Variants in ACAT2 observed in about 807,000 individuals in gnomAD.
ACAT2 encodes acetyl-CoA acetyltransferase 2, also known as acetyl-CoA acetyltransferase, cytosolic.
ACAT2 carries 26 observed loss-of-function variants against 37.1 expected under a neutral mutation model. The ratio of observed to expected loss-of-function variants is 0.70; its 90% CI spans 0.51 to 0.97. The LOEUF (loss-of-function observed/expected upper bound fraction) is 0.97, where lower values mean the gene tolerates loss of function less well. ACAT2 is among the 50% of genes least tolerant of loss of function. The pLI is 0.00. For synonymous variants in ACAT2, 156 were observed against 163.6 expected (o/e 0.95, Z 0.35); for missense variants, 468 against 489.0 (o/e 0.96, Z 0.40).
At position 159,763,058 on chromosome 6, in the gene ACAT2, G is replaced by A. The variant is rs778987062; in HGVS notation, c.190+5G>A. On this transcript the variant is annotated splice_donor_5th_base_variant and intron_variant, in intron 2 of 8. Coordinates refer to ENST00000367048, the MANE Select transcript of ACAT2 (RefSeq NM_005891.3). The stretch of plus-strand genomic sequence containing the variant: ...TTGGACATGTCTTGGCAGCAGGTAA[G>A]TCTCAGTGATTCCAGGAGAAGTCAG... The A allele has an allele frequency of 2.5e-6, 4 of 1,608,388 alleles. No individual in the cohort carries two copies. The highest frequency in any genetic ancestry group is 1.1e-5 in the South Asian group (1 of 90,360).
intron 8 of ACAT2, 95 bp from the exon 9 acceptor site, chr6:159,778,564 A>C: frequency 1.6e-4 from 199 of 1,255,468 alleles, no homozygotes; most frequent in Non-Finnish European, 2.0e-4. Flanking sequence ...TTGAAAGGGT[A>C]GCATGCTGAT....
intron 3 of ACAT2, among the ~76,000 whole-genome samples, chr6:159,767,783 G>C (rs577795870): frequency 6.6e-6 from 1 of 152,336 alleles, no homozygotes; most frequent in South Asian, 2.1e-4. Context: ...AGCTGATTCA[G>C]CCCAGCCATT....
intron 4 of ACAT2, among the ~76,000 whole-genome samples, chr6:159,769,397 A>G (rs1417862034): frequency 3.3e-5 from 5 of 152,210 alleles, no homozygotes; most frequent in Non-Finnish European, 7.3e-5. Context: ...AACCATAACT[A>G]GAGGTGGTCA....
At chr6:159,768,984 G>A (rs1780296755) in intron 4 of ACAT2, among the ~76,000 whole-genome samples, 1 of 152,160 alleles carries the variant, frequency 6.6e-6, no homozygotes, top group African/African-American at 2.4e-5. Context: ...TGGGTTATTG[G>A]TCATTCATGC....
At chr6:159,774,850 T>C (rs1176998797) in intron 4 of ACAT2, among the ~76,000 whole-genome samples, 2 of 152,202 alleles carry the variant, frequency 1.3e-5, no homozygotes, top group African/African-American at 4.8e-5. Flanking sequence ...TCTCCAACTT[T>C]CTCTCAGATG....
intron 4 of ACAT2, among the ~76,000 whole-genome samples, chr6:159,774,619 T>C (rs1780386052): frequency 6.6e-6 from 1 of 152,126 alleles, no homozygotes; most frequent in Non-Finnish European, 1.5e-5. Context: ...GCTAAATTTA[T>C]TTTTAATGGA....
intron 1 of ACAT2, chr6:159,762,631 G>A (rs1780168118): frequency 1.4e-6 from 2 of 1,423,830 alleles, no homozygotes; most frequent in South Asian, 2.4e-5. Flanking sequence ...CCTTTTGTTT[G>A]GGAAGCATGG....
At chr6:159,764,784 C>T (rs1245658224) in intron 2 of ACAT2, among the ~76,000 whole-genome samples, 1 of 152,160 alleles carries the variant, frequency 6.6e-6, no homozygotes, top group Non-Finnish European at 1.5e-5. Flanking sequence ...TAAATGCTTT[C>T]CTTTCATTAC....
intron 4 of ACAT2, among the ~76,000 whole-genome samples, chr6:159,771,951 C>T (rs140853113): frequency 2.4e-3 from 373 of 152,262 alleles, no homozygotes; most frequent in Non-Finnish European, 3.9e-3. Context: ...TCCAGCCGGG[C>T]GCGGTGGCTC....
intron 4 of ACAT2, among the ~76,000 whole-genome samples, chr6:159,770,408 TC>T (rs1562477665): frequency 6.6e-6 from 1 of 152,174 alleles, no homozygotes; most frequent in Non-Finnish European, 1.5e-5. Context: ...GAAAATATAA[TC>T]TTCATAGAGG....
In ACAT2 at chr6:159,775,193, C is replaced by A; in HGVS notation, c.514C>A (p.Gln172Lys). The change falls in exon 5 of 9, where the codon CAA becomes AAA. Residue 172 changes from glutamine to lysine, a missense_variant. Transcript: ENST00000367048. ...ITAENVAKKWQVSREDQDKVA... is the reference protein window; with the variant it reads ...ITAENVAKKWKVSREDQDKVA... ...AGCTGAAAATGTAGCCAAAAAATGG[C>A]AAGTGAGTAGAGAAGATCAGGACAA... 1 of 1,613,474 alleles carries A rather than the reference C, an allele frequency of 6.2e-7. No individual in the cohort carries two copies. The highest frequency in any genetic ancestry group is 8.5e-7 in the Non-Finnish European group (1 of 1,179,736).
At chr6:159,773,805 A>T (rs1188794305) in intron 4 of ACAT2, among the ~76,000 whole-genome samples, 1 of 152,232 alleles carries the variant, frequency 6.6e-6, no homozygotes, top group African/African-American at 2.4e-5. Context: ...GTCCATCCTG[A>T]TATAAATAAC....
At chr6:159,765,438 C>CT (rs1780239143) in intron 2 of ACAT2, among the ~76,000 whole-genome samples, 1 of 145,844 alleles carries the variant, frequency 6.9e-6, no homozygotes, top group Admixed American at 6.8e-5. Context: ...TCTTCTTTTT[C>CT]TTTTTTTTGA....
intron 8 of ACAT2, 144 bp downstream of exon 8, chr6:159,778,424 TAAAAAA>T (rs1162214335): frequency 4.0e-4 from 36 of 90,406 alleles, no homozygotes; most frequent in East Asian, 7.4e-4. Context: ...TCCCAAGGTT[TAAAAAA>T]AAAAAAAAAA....
At chr6:159,771,029 C>A (rs572877923) in intron 4 of ACAT2, among the ~76,000 whole-genome samples, 1 of 151,512 alleles carries the variant, frequency 6.6e-6, no homozygotes, top group African/African-American at 2.4e-5. Flanking sequence ...CACACCATTG[C>A]GCTCCAGCCT....
chr6:159,768,183 A>G (rs566790661), intron 3 of ACAT2, among the ~76,000 whole-genome samples: 1 of 152,212 alleles, frequency 6.6e-6, no homozygotes, highest in Admixed American at 6.5e-5. Context: ...AAGCCCTTAG[A>G]GGATTTCTTC....
chr6:159,778,884 T>C lies in ACAT2; in HGVS notation c.*55T>C. ...CTTTTTAAACTAATAAAGTACTAGGTTGCAATATGTGAAATCAGAGGACCA... is the reference window on the plus strand; with the variant it reads ...CTTTTTAAACTAATAAAGTACTAGGCTGCAATATGTGAAATCAGAGGACCA... On this transcript the variant is annotated 3_prime_UTR_variant, in exon 9 of 9. Transcript: ENST00000367048. 6.2e-7 allele frequency: 1 copy of C among 1,607,376 alleles called. No individual in the cohort carries two copies. Among genetic ancestry groups the C allele is most frequent in the Non-Finnish European group, 8.5e-7 (1 of 1,175,446 alleles).
In ACAT2 at chr6:159,762,955, A is replaced by G; in HGVS notation, c.92A>G (p.Gln31Arg). Residue 31 changes from glutamine (Q) to arginine (R), a missense_variant, in exon 2 of 9, where the codon CAG becomes CGG. By Grantham distance (43) the Gln-to-Arg change is conservative. Transcript: ENST00000367048. ...GGTGCCTTAGCTGCTGTTCCTGTCC[A>G]GGACCTGGGCTCCACTGTCATCAAA... is the stretch of plus-strand genomic sequence containing the variant. ...FNGALAAVPV[Q>R]DLGSTVIKEV... The G allele has an allele frequency of 1.2e-6, 2 of 1,614,082 alleles. No homozygotes were observed. The highest frequency in any genetic ancestry group is 1.7e-6 in the Non-Finnish European group (2 of 1,179,972).
chr6:159,776,111 T>C (rs1409519876), intron 5 of ACAT2, 39 bp from the exon 6 acceptor site: 3 of 1,606,738 alleles, frequency 1.9e-6, no homozygotes, highest in Non-Finnish European at 1.7e-6. Context: ...TACTTCTGTC[T>C]CTGGACTAAT....
Sources: gnomAD v4.1 joint callset for allele counts (sites outside exome capture counted in the v4.1 genomes callset) on GRCh38, gnomAD v4.1.1 for gene constraint, MANE v1.5 for transcripts, NCBI Gene and HGNC (gene_info 2026-07-23, HGNC 2026-07-21) for gene names.